Variants in KCNK3 observed in about 807,000 individuals in gnomAD.
The protein encoded by KCNK3 is potassium channel subfamily K member 3.
A neutral mutation model predicts 27.3 loss-of-function variants in KCNK3; 9 were observed. The observed-to-expected ratio is 0.33, with a 90% CI of 0.20 to 0.57. KCNK3 has a LOEUF of 0.57. Ranked by LOEUF, KCNK3 falls within the 20% of genes least tolerant of loss-of-function variation. The pLI is 0.87. For missense variants in KCNK3, 391 were observed against 577.7 expected, an observed-to-expected ratio of 0.68 and a Z score of 3.31; for synonymous variants, 278 against 273.8, an observed-to-expected ratio of 1.02 and a Z score of -0.15.
intron 1 of KCNK3, among the ~76,000 whole-genome samples, chr2:26,716,676 C>T (rs992554445): frequency 1.3e-5 from 2 of 152,152 alleles, no homozygotes; most frequent in African/African-American, 4.8e-5. Context: ...AGATCCTGCT[C>T]AAAATGTACC....
At chr2:26,703,577 A>C (rs576926925) in intron 1 of KCNK3, among the ~76,000 whole-genome samples, 1 of 152,302 alleles carries the variant, frequency 6.6e-6, no homozygotes, top group African/African-American at 2.4e-5. Flanking sequence ...TTCCAAATTG[A>C]ATTGGCTTCA....
At position 26,728,553 on chromosome 2, in the gene KCNK3, C is replaced by T. The variant is rs1663476120; in HGVS notation, c.1170C>T (p.Arg390=). 1 of 1,456,250 alleles carries T rather than the reference C, an allele frequency of 6.9e-7. No individual in the cohort carries two copies. The allele number at this position is 1,456,250 out of a possible 1,614,324, so 90.2% of individuals were successfully genotyped here. ...CCACCTTCCGCGGCCTCATGAAGCG[C>T]AGGAGCTCCGTGTGACTGCCCCGAG... The part of the protein sequence containing the change: ...SLSTFRGLMK[R]RSSV Residue 390 remains arginine (R), a synonymous_variant, in exon 2 of 2, where the codon CGC becomes CGT. Transcript: ENST00000302909.
intron 1 of KCNK3, among the ~76,000 whole-genome samples, chr2:26,706,990 C>A (rs965960085): frequency 7.9e-5 from 12 of 152,182 alleles, no homozygotes; most frequent in Non-Finnish European, 1.5e-5. Context: ...GGCCTCCCCT[C>A]CAGCCCTCCC....
chr2:26,728,438 G>A lies in KCNK3; in HGVS notation c.1055G>A (p.Arg352His). The stretch of plus-strand genomic sequence containing the variant: ...CACTCGTCGCCGGGAGGGGGCGGCC[G>A]CTACAGCGACACGCCCTCGCGACGC... ...QSHSSPGGGG[R>H]YSDTPSRRCL... Residue 352 changes from arginine to histidine, a missense_variant, in exon 2 of 2, where the codon CGC (arginine) becomes CAC (histidine). By Grantham distance (29) the Arg-to-His change is conservative. Around this residue, in one of 4 missense-constraint regions of KCNK3, gnomAD observed 192 missense variants for 196.0 expected, o/e 0.98. Transcript: ENST00000302909. The A allele has an allele frequency of 6.3e-6, 10 of 1,588,662 alleles. No homozygotes were observed. The highest frequency in any genetic ancestry group is 8.6e-6 in the Non-Finnish European group (10 of 1,164,466).
intron 1 of KCNK3, among the ~76,000 whole-genome samples, chr2:26,699,672 G>C (rs1052142637): frequency 2.6e-5 from 4 of 152,162 alleles, no homozygotes; most frequent in African/African-American, 9.7e-5. Flanking sequence ...GCTCAGTGGA[G>C]ACCCAGGACG....
chr2:26,731,769 G>A lies in KCNK3; in HGVS notation c.*3201G>A, dbSNP rs528271826. 2.6e-5 allele frequency: 4 copies of A among 152,302 alleles called. No homozygotes were observed. The highest frequency in any genetic ancestry group is 9.6e-5 in the African/African-American group (4 of 41,524). 9.4% of individuals were successfully genotyped at this position (152,302 alleles called of 1,614,324 possible). Reference sequence around the variant, plus strand: ...GTCCTATTGTCCCCCCCGTACATGAGTAACTGAGGCCCACAGAGAGCAAAT... The same window carrying A: ...GTCCTATTGTCCCCCCCGTACATGAATAACTGAGGCCCACAGAGAGCAAAT... On this transcript the variant is annotated 3_prime_UTR_variant, in exon 2 of 2. Transcript: ENST00000302909.
At position 26,721,102 on chromosome 2, in the gene KCNK3, C is replaced by G. The variant is rs1663320115; in HGVS notation, c.284-6565C>G. Among the ~76,000 whole-genome samples, 1 of 152,188 alleles carries G rather than the reference C, an allele frequency of 6.6e-6. No individual in the cohort carries two copies. The highest frequency in any genetic ancestry group is 2.4e-5 in the African/African-American group (1 of 41,448). On this transcript the variant is annotated intron_variant, in intron 1 of 1. Transcript: ENST00000302909. This position sits in a 1 kb window ranked among gnomAD's most constrained non-coding sequence, Gnocchi z 4.3. Reference sequence around the variant, plus strand: ...ATGTCTAAGGGGTGGTTTCTCATCACCATCCCAGACCTCAGAGTCCTTCAG... The same window carrying G: ...ATGTCTAAGGGGTGGTTTCTCATCAGCATCCCAGACCTCAGAGTCCTTCAG...
At chr2:26,726,145 A>C (rs903768248) in intron 1 of KCNK3, among the ~76,000 whole-genome samples, 2 of 151,512 alleles carry the variant, frequency 1.3e-5, no homozygotes, top group Admixed American at 1.3e-4. Context: ...AGAGAGAGAC[A>C]GTAAGTCCAG....
At position 26,693,135 on chromosome 2, in the gene KCNK3, C is replaced by T; in HGVS notation, c.260C>T (p.Ala87Val). ...QWRFAGSFYF[A>V]ITVITTIGYG... ...CGCTTCGCCGGCTCCTTCTACTTCG[C>T]CATCACCGTCATCACCACCATCGGT... The change falls in exon 1 of 2, where the codon GCC becomes GTC. Residue 87 changes from alanine to valine, a missense_variant. Ala to Val is a moderately conservative substitution (Grantham distance 64, BLOSUM62 0). Around this residue, in one of 4 missense-constraint regions of KCNK3, gnomAD observed 158 missense variants for 267.7 expected, o/e 0.59. Transcript: ENST00000302909. The surrounding 1 kb of genome is among the most constrained non-coding windows in gnomAD (Gnocchi z 5.5). The T allele has an allele frequency of 6.4e-7, 1 of 1,567,062 alleles. No homozygotes were observed. The highest frequency in any genetic ancestry group is 1.1e-5 in the South Asian group (1 of 87,202).
rs368325672 is a variant in KCNK3 at position 26,730,899 on chromosome 2, C to T, written c.*2331C>T. ...GGTGCAGAATGGCCGTGGGGCACAG[C>T]GTGGCAGACTGTTCAGTCTCTGCTG... On this transcript the variant is annotated 3_prime_UTR_variant, in exon 2 of 2. Coordinates refer to ENST00000302909, the MANE Select transcript of KCNK3 (RefSeq NM_002246.3). The T allele has an allele frequency of 4.6e-4, 70 of 152,962 alleles. 1 individual carries two copies. In the South Asian group the frequency reaches 9.1e-3, roughly 20 times the overall value. 9.5% of individuals were successfully genotyped at this position (152,962 alleles called of 1,614,324 possible). A position where few individuals can be genotyped will look rare whatever the true frequency, so the allele number is the denominator to read the frequency against.
At chr2:26,700,421 A>G (rs965921874) in intron 1 of KCNK3, among the ~76,000 whole-genome samples, 2 of 152,238 alleles carry the variant, frequency 1.3e-5, no homozygotes, top group Non-Finnish European at 2.9e-5. Context: ...TCCCCAAGCT[A>G]CTGCCACAAG....
At chr2:26,725,984 A>C (rs1663409496) in intron 1 of KCNK3, among the ~76,000 whole-genome samples, 1 of 152,132 alleles carries the variant, frequency 6.6e-6, no homozygotes, top group Admixed American at 6.5e-5. Flanking sequence ...TGCATTACAC[A>C]CATGATCTTA....
intron 1 of KCNK3, among the ~76,000 whole-genome samples, chr2:26,705,031 C>T (rs1243605467): frequency 6.6e-6 from 1 of 152,094 alleles, no homozygotes; most frequent in Non-Finnish European, 1.5e-5. Context: ...TAGCCATGAT[C>T]ATGGCTCACT....
At chr2:26,723,729 A>AAGGG (rs1663362968) in intron 1 of KCNK3, among the ~76,000 whole-genome samples, 1 of 152,240 alleles carries the variant, frequency 6.6e-6, no homozygotes, top group Non-Finnish European at 1.5e-5. Context: ...AATGATGGCT[A>AAGGG]AGGGTATTTC....
intron 1 of KCNK3, among the ~76,000 whole-genome samples, chr2:26,697,541 C>T (rs1670250643): frequency 2.0e-5 from 3 of 152,168 alleles, no homozygotes; most frequent in Non-Finnish European, 1.5e-5. Context: ...AAGCAGGGGG[C>T]TTCCTGCTCG....
At chr2:26,723,710 A>G (rs1303807677) in intron 1 of KCNK3, among the ~76,000 whole-genome samples, 10 of 152,172 alleles carry the variant, frequency 6.6e-5, no homozygotes, top group Admixed American at 6.5e-4. Flanking sequence ...CGATGTAAAG[A>G]CTGAACCAAA....
intron 1 of KCNK3, among the ~76,000 whole-genome samples, chr2:26,710,343 G>A (rs1424599420): frequency 1.3e-5 from 2 of 152,212 alleles, no homozygotes; most frequent in East Asian, 1.9e-4. Context: ...TGGCAGGGCC[G>A]TGCCTCCTTA....
In KCNK3 at chr2:26,728,396, C is replaced by A; in HGVS notation, c.1013C>A (p.Thr338Lys). Reference sequence around the variant, plus strand: ...CCGCGGGACCTCTCCACGTCCGACACGTGCGTGGAGCAGAGCCACTCGTCG... The same window carrying A: ...CCGCGGGACCTCTCCACGTCCGACAAGTGCGTGGAGCAGAGCCACTCGTCG... ...IIPRDLSTSD[T>K]CVEQSHSSPG... is the part of the protein sequence containing the mutation. Residue 338 changes from threonine to lysine, a missense_variant, in exon 2 of 2, where the codon ACG becomes AAG. Coordinates refer to ENST00000302909, the MANE Select transcript of KCNK3 (RefSeq NM_002246.3). The A allele has an allele frequency of 6.2e-7, 1 of 1,606,694 alleles. No homozygotes were observed. Among genetic ancestry groups the A allele is most frequent in the Non-Finnish European group, 8.5e-7 (1 of 1,176,726 alleles).
At position 26,728,158 on chromosome 2, in the gene KCNK3, G is replaced by A. The variant is rs779670131; in HGVS notation, c.775G>A (p.Glu259Lys). The change falls in exon 2 of 2, where the codon GAG (glutamate) becomes AAG (lysine). Residue 259 changes from glutamate (E) to lysine (K), a missense_variant. By Grantham distance (56) the Glu-to-Lys change is moderately conservative. Coordinates refer to ENST00000302909, the MANE Select transcript of KCNK3 (RefSeq NM_002246.3). Reference protein sequence around the residue: ...MNAEDEKRDAEHRALLTRNGQ... With the variant: ...MNAEDEKRDAKHRALLTRNGQ... The stretch of plus-strand genomic sequence containing the variant: ...CGCCGAGGACGAGAAGCGCGACGCC[G>A]AGCACCGCGCGCTGCTCACGCGCAA... 1.9e-6 allele frequency: 3 copies of A among 1,580,334 alleles called. No homozygotes were observed. Among genetic ancestry groups the A allele is most frequent in the South Asian group, 1.1e-5 (1 of 87,388 alleles).
Sources: gnomAD v4.1 joint callset for allele counts (sites outside exome capture counted in the v4.1 genomes callset) on GRCh38, gnomAD v4.1.1 for gene constraint, gnomAD v4.1.1 regional missense constraint, Gnocchi (gnomAD v3.1) non-coding constraint, MANE v1.5 for transcripts, NCBI Gene and HGNC (gene_info 2026-07-23, HGNC 2026-07-21) for gene names.